GTSE1: variants seen among roughly 807,000 people sequenced by gnomAD.
The protein encoded by GTSE1 is G2 and S phase-expressed protein 1.
GTSE1 carries 52 observed loss-of-function variants against 60.5 expected under a neutral mutation model. The ratio of observed to expected loss-of-function variants is 0.86; its 90% CI spans 0.69 to 1.08. The LOEUF (loss-of-function observed/expected upper bound fraction) is 1.08, where lower values mean the gene tolerates loss of function less well. GTSE1 is among the 50% of genes least tolerant of loss of function. The pLI is 0.00. For synonymous variants in GTSE1, 368 were observed against 386.5 expected (o/e 0.95, Z 0.56); for missense variants, 937 against 961.8 (o/e 0.97, Z 0.34).
Position 46,330,009 on chromosome 22 carries a change from G to A in GTSE1, c.2137-38G>A, listed in dbSNP as rs752616239. ...AGGGAGGGGAAGGGAGGCCCTAGCCGGATCCACGCTCACCTCCTCCACTCT... is the reference window on the plus strand; with the variant it reads ...AGGGAGGGGAAGGGAGGCCCTAGCCAGATCCACGCTCACCTCCTCCACTCT... On this transcript the variant is annotated intron_variant, in intron 11 of 11. Coordinates refer to ENST00000454366, the MANE Select transcript of GTSE1 (RefSeq NM_016426.7). This position sits in a 1 kb window ranked among gnomAD's most constrained non-coding sequence, Gnocchi z 6.0. The A allele has an allele frequency of 3.6e-5, 46 of 1,274,812 alleles. No homozygotes were observed. The highest frequency in any genetic ancestry group is 4.7e-5 in the Non-Finnish European group (41 of 870,584). 79.0% of individuals were successfully genotyped at this position (1,274,812 alleles called of 1,614,324 possible).
At position 46,320,918 on chromosome 22, in the gene GTSE1, C is replaced by T. The variant is rs969385071; in HGVS notation, c.1433-2272C>T. Among the ~76,000 whole-genome samples the T allele has an allele frequency of 6.6e-6, 1 of 151,990 alleles. No individual in the cohort carries two copies. Among genetic ancestry groups the T allele is most frequent in the African/African-American group, 2.4e-5 (1 of 41,372 alleles). ...TTCTGTTTCATAAGAATGACCTTCCCGTGCCACCATGGAAGCTGCTGAAGA... is the reference window on the plus strand; with the variant it reads ...TTCTGTTTCATAAGAATGACCTTCCTGTGCCACCATGGAAGCTGCTGAAGA... On this transcript the variant is annotated intron_variant, in intron 7 of 11. Coordinates refer to ENST00000454366, the MANE Select transcript of GTSE1 (RefSeq NM_016426.7). The surrounding 1 kb of genome is among the most constrained non-coding windows in gnomAD (Gnocchi z 7.1).
rs1393067448 is a variant in GTSE1, at chr22:46,321,492, G to A, written c.1433-1698G>A. On this transcript the variant is annotated intron_variant, in intron 7 of 11. Coordinates refer to ENST00000454366, the MANE Select transcript of GTSE1 (RefSeq NM_016426.7). This position sits in a 1 kb window ranked among gnomAD's most constrained non-coding sequence, Gnocchi z 4.0. ...TGACTCAGCTGTGTGCGAGCTGCGC[G>A]CCTCTCCAGTGCTGGGGTGAACATG... Among the ~76,000 whole-genome samples the A allele has an allele frequency of 6.6e-6, 1 of 152,222 alleles. No individual in the cohort carries two copies. Among genetic ancestry groups the A allele is most frequent in the Admixed American group, 6.5e-5 (1 of 15,286 alleles).
In GTSE1 at chr22:46,319,414, G is replaced by T. The variant is rs541261907; in HGVS notation, c.1432+3002G>T. Among the ~76,000 whole-genome samples the T allele has an allele frequency of 1.3e-5, 2 of 152,140 alleles. No homozygotes were observed. The highest frequency in any genetic ancestry group is 4.8e-5 in the African/African-American group (2 of 41,428). On this transcript the variant is annotated intron_variant, in intron 7 of 11. Coordinates refer to ENST00000454366, the MANE Select transcript of GTSE1 (RefSeq NM_016426.7). This position sits in a 1 kb window ranked among gnomAD's most constrained non-coding sequence, Gnocchi z 5.0. ...CTGGGGAAGGAGGCTGGAGCGCTGCGGTCTGCCTGACGTTCTGGTAGCTTA... is the reference window on the plus strand; with the variant it reads ...CTGGGGAAGGAGGCTGGAGCGCTGCTGTCTGCCTGACGTTCTGGTAGCTTA...
rs2077740675 is a variant in GTSE1, at chr22:46,310,211, CCTA to C, written c.762+1271_762+1273del. The stretch of plus-strand genomic sequence containing the variant: ...ATGGGTGGACCACTTGAGTGTAACA[CCTA>C]CTTACAAGTGTGCTTGACAGAGAAC... On this transcript the variant is annotated intron_variant, in intron 4 of 11. Transcript: ENST00000454366. The surrounding 1 kb of genome is among the most constrained non-coding windows in gnomAD (Gnocchi z 4.4). Among the ~76,000 whole-genome samples, 1 of 152,172 alleles carries C rather than the reference CCTA, an allele frequency of 6.6e-6. No homozygotes were observed. The highest frequency in any genetic ancestry group is 1.5e-5 in the Non-Finnish European group (1 of 68,040).
chr22:46,298,639 A>G (rs935553129), intron 2 of GTSE1, among the ~76,000 whole-genome samples: 3 of 152,164 alleles, frequency 2.0e-5, no homozygotes, highest in Non-Finnish European at 4.4e-5. Context: ...ATTTTGCAGG[A>G]ACTGTCCTGG....
rs1056493857 is a variant in GTSE1, at chr22:46,319,149, C to T, written c.1432+2737C>T. Among the ~76,000 whole-genome samples the T allele has an allele frequency of 1.3e-5, 2 of 152,150 alleles. No individual in the cohort carries two copies. The highest frequency in any genetic ancestry group is 2.9e-5 in the Non-Finnish European group (2 of 68,016). On this transcript the variant is annotated intron_variant, in intron 7 of 11. Transcript: ENST00000454366. This position sits in a 1 kb window ranked among gnomAD's most constrained non-coding sequence, Gnocchi z 5.0. The stretch of plus-strand genomic sequence containing the variant: ...CCTCAGCCAGTCAGTGACCGAGGGG[C>T]AGGGTAAGAAGAGATGAAGATGGAG...
chr22:46,316,198 A>C lies in GTSE1; in HGVS notation c.1218A>C (p.Ala406=), dbSNP rs1488666913. The C allele has an allele frequency of 1.2e-5, 19 of 1,613,630 alleles. No individual in the cohort carries two copies. Among genetic ancestry groups the C allele is most frequent in the Non-Finnish European group, 1.5e-5 (18 of 1,179,940 alleles). The change falls in exon 7 of 12, where the codon GCA becomes GCC. Residue 406 remains alanine (A), a synonymous_variant. Transcript: ENST00000454366. This position sits in a 1 kb window ranked among gnomAD's most constrained non-coding sequence, Gnocchi z 5.0. ...QAKRVDVSEL[A]AEQLTAPPSA... ...AGCGGGTCGATGTTTCTGAGCTGGC[A>C]GCGGAGCAGCTCACGGCACCCCCCT...
chr22:46,322,857 G>C (rs999562782), intron 7 of GTSE1, among the ~76,000 whole-genome samples: 4 of 152,204 alleles, frequency 2.6e-5, no homozygotes, highest in African/African-American at 7.2e-5. Flanking sequence ...CTGACAAGTC[G>C]ACTTCGCTCT....
At position 46,329,099 on chromosome 22, in the gene GTSE1, C is replaced by T. The variant is rs2077861127; in HGVS notation, c.1926+210C>T. 1 of 621,084 alleles carries T rather than the reference C, an allele frequency of 1.6e-6. No homozygotes were observed. The highest frequency in any genetic ancestry group is 2.7e-5 in the East Asian group (1 of 36,762). The allele number at this position is 621,084 out of a possible 1,614,324, so 38.5% of individuals were successfully genotyped here. ...CCCTGCATTTGACTAAGGCAAGGGTCAGGGATCAAAGCTGAGGAAGCGGGA... is the reference window on the plus strand; with the variant it reads ...CCCTGCATTTGACTAAGGCAAGGGTTAGGGATCAAAGCTGAGGAAGCGGGA... On this transcript the variant is annotated intron_variant, in intron 10 of 11. Transcript: ENST00000454366. The surrounding 1 kb of genome is among the most constrained non-coding windows in gnomAD (Gnocchi z 6.4).
chr22:46,305,609 A>C (rs1343874405), intron 2 of GTSE1, among the ~76,000 whole-genome samples: 1 of 147,480 alleles, frequency 6.8e-6, no homozygotes, highest in African/African-American at 2.5e-5. Flanking sequence ...ACTCCATCTC[A>C]AAAAAATAAA....
At chr22:46,300,823 A>G (rs189558780) in intron 2 of GTSE1, among the ~76,000 whole-genome samples, 132 of 152,330 alleles carry the variant, frequency 8.7e-4, no homozygotes, top group African/African-American at 3.0e-3. Context: ...GAAGTTTCTG[A>G]AATTGACTTC....
intron 8 of GTSE1, among the ~76,000 whole-genome samples, chr22:46,323,667 G>A (rs933967508): frequency 6.6e-5 from 10 of 152,130 alleles, no homozygotes; most frequent in African/African-American, 2.4e-4. Flanking sequence ...GAGCACTGGC[G>A]TGGCACCTTG....
In GTSE1 at chr22:46,318,050, C is replaced by T. The variant is rs966117824; in HGVS notation, c.1432+1638C>T. On this transcript the variant is annotated intron_variant, in intron 7 of 11. Coordinates refer to ENST00000454366, the MANE Select transcript of GTSE1 (RefSeq NM_016426.7). The surrounding 1 kb of genome is among the most constrained non-coding windows in gnomAD (Gnocchi z 4.8). ...AGCCCCCTCCTCTCTAGTTTCTGGC[C>T]CTCAGATTGCAGCCACCTCAGCCTC... is the stretch of plus-strand genomic sequence containing the variant. Among the ~76,000 whole-genome samples, 1 of 152,226 alleles carries T rather than the reference C, an allele frequency of 6.6e-6. No individual in the cohort carries two copies. The highest frequency in any genetic ancestry group is 2.4e-5 in the African/African-American group (1 of 41,456).
chr22:46,321,019 C>T lies in GTSE1; in HGVS notation c.1433-2171C>T, dbSNP rs571398510. Among the ~76,000 whole-genome samples, 8 of 151,764 alleles carry T rather than the reference C, an allele frequency of 5.3e-5. No individual in the cohort carries two copies. The highest frequency in any genetic ancestry group is 1.0e-4 in the Non-Finnish European group (7 of 67,894). The stretch of plus-strand genomic sequence containing the variant: ...GGAGAGAGGGAGCCAACACGGGAGG[C>T]GGCAAGGGAGAGGGAGGCGGCGAGG... On this transcript the variant is annotated intron_variant, in intron 7 of 11. Coordinates refer to ENST00000454366, the MANE Select transcript of GTSE1 (RefSeq NM_016426.7). The surrounding 1 kb of genome is among the most constrained non-coding windows in gnomAD (Gnocchi z 4.0).
intron 2 of GTSE1, among the ~76,000 whole-genome samples, chr22:46,300,604 C>G (rs953588812): frequency 5.0e-4 from 76 of 152,320 alleles, no homozygotes; most frequent in African/African-American, 1.8e-3. Context: ...TCTCACCGCA[C>G]TGCCTGAGGC....
chr22:46,298,408 A>G (rs996151724), intron 2 of GTSE1, among the ~76,000 whole-genome samples: 9 of 151,138 alleles, frequency 6.0e-5, no homozygotes, highest in African/African-American at 2.2e-4. Context: ...TTCGGGTTCA[A>G]GCGATTCTCC....
rs939322604 is a variant in GTSE1 at position 46,309,054 on chromosome 22, A to G, written c.762+111A>G. The G allele has an allele frequency of 8.2e-7, 1 of 1,213,680 alleles. No homozygotes were observed. Among genetic ancestry groups the G allele is most frequent in the East Asian group, 2.5e-5 (1 of 40,670 alleles). The allele number at this position is 1,213,680 out of a possible 1,614,324, so 75.2% of individuals were successfully genotyped here. A position where few individuals can be genotyped will look rare whatever the true frequency, so the allele number is the denominator to read the frequency against. ...CAGAGGTGGCGAGTCTCTGAGGCCTACAAAACACAGGAATGCGGAGTCCAG... is the reference window on the plus strand; with the variant it reads ...CAGAGGTGGCGAGTCTCTGAGGCCTGCAAAACACAGGAATGCGGAGTCCAG... On this transcript the variant is annotated intron_variant, in intron 4 of 11. Coordinates refer to ENST00000454366, the MANE Select transcript of GTSE1 (RefSeq NM_016426.7). This position sits in a 1 kb window ranked among gnomAD's most constrained non-coding sequence, Gnocchi z 6.2.
chr22:46,323,197 C>T lies in GTSE1; in HGVS notation c.1440C>T (p.Ser480=), dbSNP rs752086389. The T allele has an allele frequency of 1.2e-6, 2 of 1,612,862 alleles. No homozygotes were observed. The highest frequency in any genetic ancestry group is 1.7e-6 in the Non-Finnish European group (2 of 1,178,916). The change falls in exon 8 of 12, where the codon TCC becomes TCT. Residue 480 remains serine, a synonymous_variant. Transcript: ENST00000454366. ...FKIPKFSIGD[S]PDSSTPKLSR... ...TTCCTTTCTTGGACTTAGGTGACTCCCCGGACAGCTCAACACCAAAGCTTT... is the reference window on the plus strand; with the variant it reads ...TTCCTTTCTTGGACTTAGGTGACTCTCCGGACAGCTCAACACCAAAGCTTT...
rs1377279962 is a variant in GTSE1 at position 46,318,064 on chromosome 22, C to T, written c.1432+1652C>T. Among the ~76,000 whole-genome samples the T allele has an allele frequency of 6.6e-6, 1 of 152,230 alleles. No individual in the cohort carries two copies. Among genetic ancestry groups the T allele is most frequent in the Non-Finnish European group, 1.5e-5 (1 of 68,044 alleles). On this transcript the variant is annotated intron_variant, in intron 7 of 11. Coordinates refer to ENST00000454366, the MANE Select transcript of GTSE1 (RefSeq NM_016426.7). This position sits in a 1 kb window ranked among gnomAD's most constrained non-coding sequence, Gnocchi z 4.8. Reference sequence around the variant, plus strand: ...TAGTTTCTGGCCCTCAGATTGCAGCCACCTCAGCCTCCTGAGCTCCAGCCA... The same window carrying T: ...TAGTTTCTGGCCCTCAGATTGCAGCTACCTCAGCCTCCTGAGCTCCAGCCA...
Sources: allele counts gnomAD v4.1 joint callset (sites outside exome capture counted in the v4.1 genomes callset), GRCh38; gene constraint gnomAD v4.1.1; non-coding constraint Gnocchi (gnomAD v3.1); transcripts MANE v1.5; gene names NCBI Gene and HGNC (gene_info 2026-07-23, HGNC 2026-07-21).